FSTL5: variants seen among roughly 807,000 people sequenced by gnomAD.
FSTL5 encodes follistatin like 5, also known as follistatin-related protein 5.
Under a neutral mutation model 89.1 loss-of-function variants are expected in FSTL5, and 62 were observed. The observed-to-expected ratio is 0.70, with a 90% confidence interval of 0.57 to 0.86. The LOEUF (loss-of-function observed/expected upper bound fraction) is 0.86. Ranked by LOEUF, FSTL5 falls within the 40% of genes least tolerant of loss-of-function variation. FSTL5 has a pLI of 0.00. For missense variants in FSTL5, 1,057 were observed against 1,001.6 expected (o/e 1.06, Z -0.75); for synonymous variants, 383 against 346.2 (o/e 1.11, Z -1.18).
intron 1 of FSTL5, among the ~76,000 whole-genome samples, chr4:162,124,189 C>T (rs777088116): frequency 2.4e-4 from 36 of 152,130 alleles, no homozygotes; most frequent in Admixed American, 1.3e-4. Context: ...TTTGAAATGA[C>T]GCCTCTAATT....
At chr4:161,980,630 G>A (rs1298342837) in intron 3 of FSTL5, among the ~76,000 whole-genome samples, 5 of 151,972 alleles carry the variant, frequency 3.3e-5, no homozygotes, top group Non-Finnish European at 2.9e-5. Flanking sequence ...TTAAGGGAAA[G>A]TGAGTAGTAT....
At chr4:162,097,241 T>C (rs1193869657) in intron 2 of FSTL5, among the ~76,000 whole-genome samples, 1 of 151,506 alleles carries the variant, frequency 6.6e-6, no homozygotes, top group Non-Finnish European at 1.5e-5. Flanking sequence ...GTCTGATAAA[T>C]TGACTGCAAT....
intron 7 of FSTL5, among the ~76,000 whole-genome samples, chr4:161,655,416 CCAAT>C (rs1385618855): frequency 1.3e-5 from 2 of 151,946 alleles, no homozygotes; most frequent in Non-Finnish European, 2.9e-5. Flanking sequence ...CCCAGATTGA[CCAAT>C]CAGAGTATTA....
At chr4:161,669,118 A>AT (rs1430433788) in intron 6 of FSTL5, among the ~76,000 whole-genome samples, 42 of 147,444 alleles carry the variant, frequency 2.8e-4, no homozygotes, top group African/African-American at 1.0e-3. Flanking sequence ...TCTCAAAAAA[A>AT]AAAAAAAAAT....
chr4:161,530,292 T>C (rs1365302364), intron 10 of FSTL5, among the ~76,000 whole-genome samples: 1 of 142,084 alleles, frequency 7.0e-6, no homozygotes, highest in Non-Finnish European at 1.5e-5. Flanking sequence ...TTTTTCAAGA[T>C]AGTTGGAAAC....
chr4:161,571,487 T>C (rs1029986407), intron 8 of FSTL5, among the ~76,000 whole-genome samples: 3 of 152,020 alleles, frequency 2.0e-5, no homozygotes, highest in Non-Finnish European at 2.9e-5. Flanking sequence ...AAAAGAAGGC[T>C]AAACTGTTAT....
intron 4 of FSTL5, among the ~76,000 whole-genome samples, chr4:161,837,649 A>T (rs1255353197): frequency 6.6e-6 from 1 of 152,112 alleles, no homozygotes; most frequent in African/African-American, 2.4e-5. Flanking sequence ...CTTCTATCAT[A>T]GCCTGTTCAT....
intron 4 of FSTL5, among the ~76,000 whole-genome samples, chr4:161,871,108 G>A (rs2314268): frequency 0.94 from 143,675 of 152,198 alleles, 68,315 homozygotes; most frequent in Non-Finnish European, 1. Flanking sequence ...CTATCAAAGA[G>A]GTAATGCACA....
chr4:161,727,206 T>A (rs1011608084), intron 6 of FSTL5, among the ~76,000 whole-genome samples: 21 of 152,200 alleles, frequency 1.4e-4, no homozygotes, highest in African/African-American at 5.1e-4. Flanking sequence ...ACCTTATACA[T>A]ATTTTTTGAC....
At chr4:161,695,303 C>G (rs943343306) in intron 6 of FSTL5, among the ~76,000 whole-genome samples, 1 of 151,968 alleles carries the variant, frequency 6.6e-6, no homozygotes, top group Non-Finnish European at 1.5e-5. Context: ...TAAGAACATA[C>G]GATGTTTGGT....
chr4:161,865,544 AC>A (rs1444927939), intron 4 of FSTL5, among the ~76,000 whole-genome samples: 1 of 152,164 alleles, frequency 6.6e-6, no homozygotes, highest in Admixed American at 6.5e-5. Flanking sequence ...TACTTATAAT[AC>A]ACCGGGATGT....
At chr4:161,428,037 A>C (rs1472786841) in intron 15 of FSTL5, among the ~76,000 whole-genome samples, 1 of 152,172 alleles carries the variant, frequency 6.6e-6, no homozygotes, top group Admixed American at 6.5e-5. Flanking sequence ...CCTCAGCAGC[A>C]GCCACATGGC....
chr4:161,700,253 T>C (rs1305608138), intron 6 of FSTL5, among the ~76,000 whole-genome samples: 1 of 152,172 alleles, frequency 6.6e-6, no homozygotes, highest in African/African-American at 2.4e-5. Flanking sequence ...GTAAAGTATC[T>C]TGCCCAGAGT....
intron 4 of FSTL5, among the ~76,000 whole-genome samples, chr4:161,866,344 C>T (rs1186004650): frequency 1.3e-5 from 2 of 152,070 alleles, no homozygotes; most frequent in Non-Finnish European, 2.9e-5. Flanking sequence ...TTTGTTCTCT[C>T]TCCAGACCTA....
chr4:161,488,530 T>G (rs1296208982), intron 12 of FSTL5, among the ~76,000 whole-genome samples: 1 of 152,068 alleles, frequency 6.6e-6, no homozygotes, highest in Non-Finnish European at 1.5e-5. Context: ...AAAACAGGCT[T>G]TGAGGACAAA....
intron 4 of FSTL5, among the ~76,000 whole-genome samples, chr4:161,794,348 GT>G (rs529224593): frequency 2.2e-4 from 33 of 152,088 alleles, no homozygotes; most frequent in Non-Finnish European, 4.1e-4. Context: ...CTTGACATTA[GT>G]TCGGGTGTTA....
At chr4:161,587,059 T>C (rs974637474) in intron 8 of FSTL5, among the ~76,000 whole-genome samples, 1 of 152,010 alleles carries the variant, frequency 6.6e-6, no homozygotes, top group Non-Finnish European at 1.5e-5. Flanking sequence ...CCATCAAGAG[T>C]ATAAAACTTG....
intron 6 of FSTL5, among the ~76,000 whole-genome samples, chr4:161,670,231 G>A (rs574551863): frequency 4.6e-5 from 7 of 152,232 alleles, no homozygotes; most frequent in Admixed American, 3.3e-4. Context: ...AGTTCACAGC[G>A]AATTTTCATT....
intron 7 of FSTL5, among the ~76,000 whole-genome samples, chr4:161,607,543 A>G (rs1273075969): frequency 1.3e-5 from 2 of 152,104 alleles, no homozygotes; most frequent in African/African-American, 4.8e-5. Flanking sequence ...CTCTAAGACA[A>G]TTTGCTTTTT....
Sources: gnomAD v4.1 joint callset for allele counts (sites outside exome capture counted in the v4.1 genomes callset) on GRCh38, gnomAD v4.1.1 for gene constraint, MANE v1.5 for transcripts, NCBI Gene and HGNC (gene_info 2026-07-23, HGNC 2026-07-21) for gene names.